The following A4GALT variants were observed in gnomAD, a reference collection of about 807,000 sequenced individuals.
A4GALT encodes lactosylceramide 4-alpha-galactosyltransferase.
For missense variants in A4GALT, 512 were observed against 486.0 expected, an observed-to-expected ratio of 1.05 and a Z score of -0.50; for synonymous variants, 257 against 220.7, an observed-to-expected ratio of 1.16 and a Z score of -1.46.
intron 1 of A4GALT, among the ~76,000 whole-genome samples, chr22:42,713,193 A>T (rs904668970): frequency 2.6e-5 from 4 of 152,206 alleles, no homozygotes; most frequent in Non-Finnish European, 5.9e-5. Context: ...TTCCATCAGA[A>T]GCCAACATCA....
chr22:42,712,409 T>G (rs1921775003), intron 1 of A4GALT, among the ~76,000 whole-genome samples: 1 of 152,224 alleles, frequency 6.6e-6, no homozygotes, highest in South Asian at 2.1e-4. Context: ...TCTGACTTGG[T>G]CACTTGCTAT....
At chr22:42,704,556 G>C (rs948637909) in intron 1 of A4GALT, among the ~76,000 whole-genome samples, 2 of 151,114 alleles carry the variant, frequency 1.3e-5, no homozygotes, top group Non-Finnish European at 3.0e-5. Flanking sequence ...TGTAAGAAGG[G>C]CAGAAGGGCT....
At chr22:42,696,797 C>T (rs984824353) in intron 1 of A4GALT, among the ~76,000 whole-genome samples, 13 of 151,722 alleles carry the variant, frequency 8.6e-5, no homozygotes, top group African/African-American at 1.7e-4. Context: ...CTTCTCTCCC[C>T]GCCACCTGTG....
chr22:42,699,792 T>C (rs1931178179), intron 1 of A4GALT, among the ~76,000 whole-genome samples: 1 of 152,130 alleles, frequency 6.6e-6, no homozygotes, highest in Non-Finnish European at 1.5e-5. Context: ...GGTGCCCCAA[T>C]TAAACGTTAC....
At chr22:42,716,348 C>T (rs1190300686) in intron 1 of A4GALT, among the ~76,000 whole-genome samples, 1 of 152,100 alleles carries the variant, frequency 6.6e-6, no homozygotes, top group South Asian at 2.1e-4. Flanking sequence ...AAGGCTTCTC[C>T]AGTGTTGAGT....
At position 42,693,693 on chromosome 22, in the gene A4GALT, G is replaced by C. The variant is rs368358748; in HGVS notation, c.259C>G (p.Arg87Gly). 6.2e-7 allele frequency: 1 copy of C among 1,602,126 alleles called. No individual in the cohort carries two copies. The highest frequency in any genetic ancestry group is 8.5e-7 in the Non-Finnish European group (1 of 1,173,654). Residue 87 changes from arginine to glycine, a missense_variant, in exon 3 of 3, where the codon CGG becomes GGG. Coordinates refer to ENST00000642412, the MANE Select transcript of A4GALT (RefSeq NM_017436.7). Reference protein sequence around the residue: ...GNIFFLETSDRTNPNFLFMCS... With the variant: ...GNIFFLETSDGTNPNFLFMCS... ...ATGAACAGGAAGTTGGGGTTGGTCC[G>C]GTCTGAAGTCTCCAGGAAGAAGATG...
At chr22:42,703,380 C>G (rs1048291225) in intron 1 of A4GALT, among the ~76,000 whole-genome samples, 1 of 151,640 alleles carries the variant, frequency 6.6e-6, no homozygotes, top group African/African-American at 2.4e-5. Context: ...CTCAGCCTCC[C>G]GAGTAGCTGG....
chr22:42,697,401 G>A (rs1321787897), intron 1 of A4GALT, among the ~76,000 whole-genome samples: 1 of 152,074 alleles, frequency 6.6e-6, no homozygotes, highest in African/African-American at 2.4e-5. Context: ...TGCAGGGAGA[G>A]GGGCTATTTT....
chr22:42,703,183 AG>A (rs111301172), intron 1 of A4GALT, among the ~76,000 whole-genome samples: 4,718 of 148,004 alleles, frequency 0.032, 238 homozygotes, highest in African/African-American at 0.11. Flanking sequence ...GGCAGAGACT[AG>A]GCCCAGCCTA....
intron 1 of A4GALT, among the ~76,000 whole-genome samples, chr22:42,709,361 A>AT (rs1921478649): frequency 6.6e-6 from 1 of 151,448 alleles, no homozygotes; most frequent in African/African-American, 2.4e-5. Context: ...AAAAAAAAAA[A>AT]TTTAAGTAAA....
At chr22:42,701,369 AG>A (rs1931288561) in intron 1 of A4GALT, among the ~76,000 whole-genome samples, 1 of 152,166 alleles carries the variant, frequency 6.6e-6, no homozygotes, top group African/African-American at 2.4e-5. Flanking sequence ...AGACTCAGAC[AG>A]GAGCCCGAGG....
Position 42,706,058 on chromosome 22 carries a change from A to AG in A4GALT, c.-187-10428_-187-10427insC, listed in dbSNP as rs1362083868. ...GACACAGACTACATCTCAAAAAAAA[A>AG]AAAAAAAAAAAAGTTGGCCGGGTGC... On this transcript the variant is annotated intron_variant, in intron 1 of 2. Transcript: ENST00000642412. 3.6e-5 allele frequency among the ~76,000 whole-genome samples: 4 copies of AG among 110,350 alleles called. 1 individual carries two copies. The highest frequency in any genetic ancestry group is 8.3e-5 in the Non-Finnish European group (4 of 47,946). 72.4% of individuals were successfully genotyped at this position (110,350 alleles called of 152,430 possible). A position where few individuals can be genotyped will look rare whatever the true frequency, so the allele number is the denominator to read the frequency against.
chr22:42,695,708 G>C (rs1001404416), intron 1 of A4GALT, 77 bp from the exon 2 acceptor site: 1 of 152,192 alleles, frequency 6.6e-6, no homozygotes, highest in East Asian at 1.9e-4. Flanking sequence ...ACACAGGCAG[G>C]TCAGGCCTGG....
rs1569027543 is a variant in A4GALT, at chr22:42,693,523, C to CT, written c.428_429insA (p.Leu144AlafsTer139). 1.9e-6 allele frequency: 3 copies of CT among 1,613,252 alleles called. No individual in the cohort carries two copies. In the East Asian group the frequency reaches 6.7e-5, roughly 36 times the overall value. Reference sequence around the variant, plus strand: ...CCCGGAACAGCTCCCGCAGGTCCAGCGGGAGCATCTGGACATTCGGGAAGC... The same window carrying CT: ...CCCGGAACAGCTCCCGCAGGTCCAGCTGGGAGCATCTGGACATTCGGGAAGC... On this transcript the variant is annotated frameshift_variant, in exon 3 of 3. Transcript: ENST00000642412. LOFTEE classifies it low-confidence loss of function (END_TRUNC).
At chr22:42,703,231 G>A (rs1171184427) in intron 1 of A4GALT, among the ~76,000 whole-genome samples, 1 of 149,480 alleles carries the variant, frequency 6.7e-6, no homozygotes, top group East Asian at 2.0e-4. Context: ...TAAGTAGTGG[G>A]CTTTTTTTTT....
In A4GALT at chr22:42,693,778, C is replaced by A; in HGVS notation, c.174G>T (p.Glu58Asp). 1 of 1,601,880 alleles carries A rather than the reference C, an allele frequency of 6.2e-7. No individual in the cohort carries two copies. The change falls in exon 3 of 3, where the codon GAG becomes GAT. Residue 58 changes from glutamate to aspartate, a missense_variant. Glu to Asp is a conservative substitution (Grantham distance 45). Coordinates refer to ENST00000642412, the MANE Select transcript of A4GALT (RefSeq NM_017436.7). The stretch of plus-strand genomic sequence containing the variant: ...GGGGTGTCAAGGTGGGGCAGGGGAT[C>A]TCTGCTGGCAGGTTATAGAGCTGCC... ...EKGQLYNLPA[E>D]IPCPTLTPPT...
At position 42,693,888 on chromosome 22, in the gene A4GALT, T is replaced by A; in HGVS notation, c.64A>T (p.Thr22Ser). 3 of 1,609,730 alleles carry A rather than the reference T, an allele frequency of 1.9e-6. No homozygotes were observed. The highest frequency in any genetic ancestry group is 1.1e-5 in the South Asian group (1 of 90,312). ...AACTTGAAGCCGATGATGAACAGGGTGCAGACCCGCTGCCTTGGGGCGCCC... is the reference window on the plus strand; with the variant it reads ...AACTTGAAGCCGATGATGAACAGGGAGCAGACCCGCTGCCTTGGGGCGCCC... ...LRGAPRQRVCTLFIIGFKFTF... is the reference protein window; with the variant it reads ...LRGAPRQRVCSLFIIGFKFTF... The change falls in exon 3 of 3, where the codon ACC (threonine) becomes TCC (serine). Residue 22 changes from threonine (T) to serine (S), a missense_variant. Transcript: ENST00000642412.
intron 1 of A4GALT, among the ~76,000 whole-genome samples, chr22:42,697,025 A>G (rs759832931): frequency 1.3e-5 from 2 of 150,882 alleles, no homozygotes; most frequent in Non-Finnish European, 2.9e-5. Context: ...CACACGGTAC[A>G]TCCTACTTAT....
intron 1 of A4GALT, among the ~76,000 whole-genome samples, chr22:42,704,929 A>G (rs1289469298): frequency 6.6e-6 from 1 of 152,070 alleles, no homozygotes; most frequent in Non-Finnish European, 1.5e-5. Flanking sequence ...GACCCCAGAA[A>G]AGGCCACTTC....
Sources: gnomAD v4.1 joint callset for allele counts (sites outside exome capture counted in the v4.1 genomes callset) on GRCh38, gnomAD v4.1.1 for gene constraint, MANE v1.5 for transcripts, NCBI Gene and HGNC (gene_info 2026-07-23, HGNC 2026-07-21) for gene names.